CADPS2: variants seen among roughly 807,000 people sequenced by gnomAD.
CADPS2 encodes calcium-dependent secretion activator 2.
In CADPS2, 93 loss-of-function variants were observed where a neutral mutation model predicts 172.5. The ratio of observed to expected loss-of-function variants is 0.54; its 90% confidence interval spans 0.46 to 0.64. CADPS2 has a LOEUF of 0.64. Among genes scored for constraint, CADPS2 ranks in the 30% least tolerant of loss-of-function variants. The pLI is 0.00. For missense variants in CADPS2, 1,420 were observed against 1,565.9 expected (o/e 0.91, Z 1.57); for synonymous variants, 546 against 555.2 (o/e 0.98, Z 0.23).
chr7:122,597,059 T>G (rs916128662), intron 6 of CADPS2, among the ~76,000 whole-genome samples: 8 of 151,894 alleles, frequency 5.3e-5, no homozygotes, highest in African/African-American at 9.7e-5. Context: ...AACCAGCTCT[T>G]GCAGCAAATA....
At position 122,571,255 on chromosome 7, in the gene CADPS2, T is replaced by C. The variant is rs576081549; in HGVS notation, c.1335+9924A>G. 7.2e-5 allele frequency among the ~76,000 whole-genome samples: 11 copies of C among 152,156 alleles called. No homozygotes were observed. In the South Asian group the frequency reaches 1.9e-3, roughly 26 times the overall value. ...AAAAAGATGCTAAACATCATTAGTG[T>C]TTTTGCTAAGTGCCAATTAAAACCA... On this transcript the variant is annotated intron_variant, in intron 7 of 29. Transcript: ENST00000449022.
chr7:122,723,496 TA>T (rs748291990), intron 2 of CADPS2, among the ~76,000 whole-genome samples: 3 of 152,160 alleles, frequency 2.0e-5, no homozygotes, highest in Non-Finnish European at 4.4e-5. Context: ...TCAAACCAGT[TA>T]GAATGGCAAT....
At chr7:122,325,624 G>T (rs368217399) in intron 28 of CADPS2, 43 bp from the exon 29 acceptor site, 22 of 1,212,160 alleles carry the variant, frequency 1.8e-5, no homozygotes, top group Non-Finnish European at 2.5e-5. Flanking sequence ...AACAAAAAAA[G>T]AAAACAACCT....
At position 122,569,009 on chromosome 7, in the gene CADPS2, T is replaced by C. The variant is rs980340504; in HGVS notation, c.1335+12170A>G. Among the ~76,000 whole-genome samples, 108 of 152,100 alleles carry C rather than the reference T, an allele frequency of 7.1e-4. 2 individuals carry two copies. The highest frequency in any genetic ancestry group is 4.3e-4 in the African/African-American group (18 of 41,428). On this transcript the variant is annotated intron_variant, in intron 7 of 29. Coordinates refer to ENST00000449022, the MANE Select transcript of CADPS2 (RefSeq NM_017954.11). ...CCTCTCTCACCACTCCTATTCAACA[T>C]AGTGTTGGAAGTTCTGGCCAGGGCA...
At chr7:122,861,290 G>A (rs1382324000) in intron 1 of CADPS2, among the ~76,000 whole-genome samples, 1 of 152,098 alleles carries the variant, frequency 6.6e-6, no homozygotes, top group Admixed American at 6.5e-5. Flanking sequence ...TTTGATAATA[G>A]CCATTCTAAC....
At chr7:122,584,203 A>C (rs1302285514) in intron 6 of CADPS2, among the ~76,000 whole-genome samples, 2 of 151,880 alleles carry the variant, frequency 1.3e-5, no homozygotes, top group African/African-American at 4.8e-5. Context: ...CTGTTCCTAT[A>C]ACTCACCTAT....
At chr7:122,451,185 T>C (rs552537988) in intron 15 of CADPS2, among the ~76,000 whole-genome samples, 189 bp downstream of exon 15, 2 of 152,130 alleles carry the variant, frequency 1.3e-5, no homozygotes, top group Admixed American at 1.3e-4. Context: ...CCTAAATGAA[T>C]ACAGGAGACT....
At chr7:122,836,070 C>A (rs1808321246) in intron 1 of CADPS2, among the ~76,000 whole-genome samples, 1 of 152,202 alleles carries the variant, frequency 6.6e-6, no homozygotes, top group Non-Finnish European at 1.5e-5. Context: ...ATCAGACTAA[C>A]AGTGGATCTC....
At chr7:122,381,147 C>T (rs975403826) in intron 24 of CADPS2, among the ~76,000 whole-genome samples, 1 of 152,096 alleles carries the variant, frequency 6.6e-6, no homozygotes, top group Non-Finnish European at 1.5e-5. Context: ...AAAAGGCCCC[C>T]CAGCTCCTGG....
chr7:122,718,910 A>C (rs148200244), intron 2 of CADPS2, among the ~76,000 whole-genome samples: 260 of 152,232 alleles, frequency 1.7e-3, no homozygotes, highest in African/African-American at 5.6e-3. Flanking sequence ...TTTCTCCTCC[A>C]ACTTGGCTTC....
Position 122,320,126 on chromosome 7 carries a change from C to T in CADPS2, c.*39G>A, listed in dbSNP as rs760602162. 11 of 1,489,006 alleles carry T rather than the reference C, an allele frequency of 7.4e-6. No homozygotes were observed. The highest frequency in any genetic ancestry group is 2.8e-5 in the South Asian group (2 of 71,824). 92.2% of individuals were successfully genotyped at this position (1,489,006 alleles called of 1,614,324 possible). On this transcript the variant is annotated 3_prime_UTR_variant, in exon 30 of 30. Coordinates refer to ENST00000449022, the MANE Select transcript of CADPS2 (RefSeq NM_017954.11). ...AGGTTAAAAAAATAAAAAACAATGT[C>T]GATCAAGGTCTTCCTTCCTTCTGCA...
At chr7:122,809,389 G>A (rs1247923586) in intron 1 of CADPS2, among the ~76,000 whole-genome samples, 1 of 148,594 alleles carries the variant, frequency 6.7e-6, no homozygotes, top group Non-Finnish European at 1.5e-5. Flanking sequence ...CCAAGATGGT[G>A]AAACCCCATC....
At chr7:122,580,424 G>C (rs1296335800) in intron 7 of CADPS2, among the ~76,000 whole-genome samples, 1 of 147,462 alleles carries the variant, frequency 6.8e-6, no homozygotes, top group Non-Finnish European at 1.5e-5. Flanking sequence ...CTGCACTCCA[G>C]CCTGGGCAAC....
intron 7 of CADPS2, among the ~76,000 whole-genome samples, chr7:122,561,250 A>G (rs892900451): frequency 6.6e-6 from 1 of 152,150 alleles, no homozygotes; most frequent in African/African-American, 2.4e-5. Context: ...ACAATATGCA[A>G]TTATTCAAAC....
chr7:122,377,618 T>A (rs2042509190), intron 25 of CADPS2, among the ~76,000 whole-genome samples: 1 of 152,162 alleles, frequency 6.6e-6, no homozygotes, highest in Non-Finnish European at 1.5e-5. Flanking sequence ...TTTATTTCAC[T>A]GTAGTGCGTT....
intron 1 of CADPS2, among the ~76,000 whole-genome samples, chr7:122,779,001 A>G (rs1357173499): frequency 2.0e-5 from 3 of 152,114 alleles, no homozygotes; most frequent in Admixed American, 6.5e-5. Flanking sequence ...GTGATAGTGA[A>G]TAAGTCCCAC....
intron 3 of CADPS2, among the ~76,000 whole-genome samples, chr7:122,659,787 G>A (rs189470065): frequency 2.4e-4 from 37 of 152,130 alleles, no homozygotes; most frequent in South Asian, 6.2e-4. Flanking sequence ...CCTCTAAAGA[G>A]TAAAGGATAA....
intron 1 of CADPS2, among the ~76,000 whole-genome samples, chr7:122,852,373 T>C (rs1490089246): frequency 2.0e-5 from 3 of 152,210 alleles, no homozygotes; most frequent in Non-Finnish European, 4.4e-5. Context: ...CTCATGCAGC[T>C]TACATTTATG....
intron 8 of CADPS2, among the ~76,000 whole-genome samples, chr7:122,545,705 A>T (rs2063554113): frequency 6.6e-6 from 1 of 152,184 alleles, no homozygotes; most frequent in Admixed American, 6.6e-5. Flanking sequence ...TGTGGGAAGT[A>T]CTACAGAGAG....
Sources: allele counts gnomAD v4.1 joint callset (sites outside exome capture counted in the v4.1 genomes callset), GRCh38; gene constraint gnomAD v4.1.1; transcripts MANE v1.5; gene names NCBI Gene and HGNC (gene_info 2026-07-23, HGNC 2026-07-21).